The following DIP2C variants were observed in gnomAD, a reference collection of about 807,000 sequenced individuals.
DIP2C encodes DIP2 acetate--CoA ligase C (putative).
DIP2C carries 33 observed loss-of-function variants against 192.4 expected under a neutral mutation model. The observed-to-expected ratio is 0.17, with a 90% CI of 0.13 to 0.23. DIP2C has a LOEUF of 0.23. Ranked by LOEUF, DIP2C falls within the 10% of genes least tolerant of loss-of-function variation. DIP2C has a pLI of 1.00. For synonymous variants in DIP2C, 979 were observed against 864.1 expected (o/e 1.13, Z -2.33); for missense variants, 1,537 against 2,110.1 (o/e 0.73, Z 5.32).
intron 1 of DIP2C, among the ~76,000 whole-genome samples, chr10:565,354 T>TAAAATTAAAAAAAAAA (rs376030794): frequency 8.8e-6 from 1 of 114,112 alleles, no homozygotes; most frequent in Admixed American, 8.7e-5. Flanking sequence ...ACCTGCATTC[T>TAAAATTAAAAAAAAAA]AAAAAAAAAA....
chr10:617,159 T>A (rs1013531871), intron 1 of DIP2C, among the ~76,000 whole-genome samples: 1 of 148,264 alleles, frequency 6.7e-6, no homozygotes, highest in Non-Finnish European at 1.5e-5. Flanking sequence ...CCGCCTGACT[T>A]ATTTCCTGCC....
At chr10:614,233 ACCAT>A (rs1458202560) in intron 1 of DIP2C, among the ~76,000 whole-genome samples, 1 of 152,130 alleles carries the variant, frequency 6.6e-6, no homozygotes, top group African/African-American at 2.4e-5. Context: ...ATCTCAATTC[ACCAT>A]CCACACAGAG....
chr10:421,248 G>A (rs1315678511), intron 5 of DIP2C, among the ~76,000 whole-genome samples: 1 of 152,224 alleles, frequency 6.6e-6, no homozygotes, highest in African/African-American at 2.4e-5. Flanking sequence ...GCCCCTCATA[G>A]TTTGGATACA....
intron 1 of DIP2C, among the ~76,000 whole-genome samples, chr10:620,288 A>G (rs1853773238): frequency 6.6e-6 from 1 of 152,154 alleles, no homozygotes. Context: ...TACAACTATC[A>G]ATGTGTAAAA....
chr10:579,740 G>A (rs1850466976), intron 1 of DIP2C, among the ~76,000 whole-genome samples: 1 of 151,670 alleles, frequency 6.6e-6, no homozygotes, highest in Admixed American at 6.6e-5. Flanking sequence ...AGCATACATA[G>A]GTACACTATA....
chr10:499,664 G>A (rs543382984), intron 1 of DIP2C, among the ~76,000 whole-genome samples: 86 of 152,240 alleles, frequency 5.6e-4, no homozygotes, highest in African/African-American at 1.9e-3. Context: ...TCTCCCAATC[G>A]CGAGGACAGC....
intron 1 of DIP2C, among the ~76,000 whole-genome samples, chr10:543,384 C>T (rs993577685): frequency 6.6e-6 from 1 of 152,350 alleles, no homozygotes; most frequent in South Asian, 2.1e-4. Flanking sequence ...GGAGATCTAA[C>T]TCATCAGATG....
chr10:420,315 C>T (rs1371870335), intron 5 of DIP2C, among the ~76,000 whole-genome samples: 2 of 152,264 alleles, frequency 1.3e-5, no homozygotes, highest in Non-Finnish European at 2.9e-5. Context: ...CGGTGCCGAG[C>T]TGCCTGGACA....
In DIP2C at chr10:548,218, C is replaced by CCCA. The variant is rs1282724092; in HGVS notation, c.86-61689_86-61688insTGG. Among the ~76,000 whole-genome samples the CCCA allele has an allele frequency of 1.7e-3, 217 of 130,506 alleles. 6 individuals are homozygous for CCCA. Among genetic ancestry groups the CCCA allele is most frequent in the Non-Finnish European group, 2.6e-3 (150 of 57,878 alleles). The allele number at this position is 130,506 out of a possible 152,430, so 85.6% of individuals were successfully genotyped here. A position where few individuals can be genotyped will look rare whatever the true frequency, so the allele number is the denominator to read the frequency against. ...ACACGAGTCTGCCCCACCCCCCCCC[C>CCCA]CACAGGAAAGCCCTGGTGGTCAGGG... is the stretch of plus-strand genomic sequence containing the variant. On this transcript the variant is annotated intron_variant, in intron 1 of 36. Coordinates refer to ENST00000280886, the MANE Select transcript of DIP2C (RefSeq NM_014974.3).
intron 1 of DIP2C, among the ~76,000 whole-genome samples, chr10:623,025 T>G (rs1853965690): frequency 6.6e-6 from 1 of 152,214 alleles, no homozygotes; most frequent in Non-Finnish European, 1.5e-5. Flanking sequence ...GCATAAATCA[T>G]CACAGAGGAA....
chr10:570,531 C>T (rs1258967568), intron 1 of DIP2C, among the ~76,000 whole-genome samples: 1 of 152,176 alleles, frequency 6.6e-6, no homozygotes, highest in Non-Finnish European at 1.5e-5. Flanking sequence ...GGCCTGCGCT[C>T]TTCCATCCAG....
intron 1 of DIP2C, among the ~76,000 whole-genome samples, chr10:570,447 A>G (rs530270905): frequency 6.6e-6 from 1 of 152,250 alleles, no homozygotes; most frequent in East Asian, 1.9e-4. Context: ...CTGGGTCTGC[A>G]TGAATTGCTA....
At chr10:572,313 T>G (rs1849873357) in intron 1 of DIP2C, among the ~76,000 whole-genome samples, 1 of 152,246 alleles carries the variant, frequency 6.6e-6, no homozygotes, top group Admixed American at 6.5e-5. Flanking sequence ...TCCACAGCGT[T>G]TCACACTCTG....
At chr10:495,374 T>C (rs752339546) in intron 1 of DIP2C, among the ~76,000 whole-genome samples, 1 of 152,182 alleles carries the variant, frequency 6.6e-6, no homozygotes, top group Non-Finnish European at 1.5e-5. Flanking sequence ...TGCCTGAAAC[T>C]GGGTAAGAGA....
chr10:437,026 C>A (rs1411057728), intron 4 of DIP2C, among the ~76,000 whole-genome samples: 1 of 134,290 alleles, frequency 7.4e-6, no homozygotes, highest in Non-Finnish European at 1.6e-5. Context: ...TGAGCTCTCT[C>A]CGAGCTCCGC....
intron 1 of DIP2C, among the ~76,000 whole-genome samples, chr10:542,775 A>G (rs1031228592): frequency 2.7e-5 from 4 of 149,746 alleles, no homozygotes; most frequent in Non-Finnish European, 4.4e-5. Context: ...GTCCCTCTCT[A>G]TACCACAGGT....
At chr10:421,887 A>G (rs764409908) in intron 5 of DIP2C, among the ~76,000 whole-genome samples, 1 of 152,218 alleles carries the variant, frequency 6.6e-6, no homozygotes, top group South Asian at 2.1e-4. Context: ...CGACGCTTTA[A>G]GTCTCAGTGA....
chr10:464,784 T>C (rs569410427), intron 3 of DIP2C, among the ~76,000 whole-genome samples: 1 of 152,226 alleles, frequency 6.6e-6, no homozygotes, highest in South Asian at 2.1e-4. Context: ...CTAGAAAATC[T>C]AGAAGAAATG....
intron 1 of DIP2C, among the ~76,000 whole-genome samples, chr10:534,294 G>A (rs956073520): frequency 9.2e-5 from 14 of 152,192 alleles, no homozygotes; most frequent in African/African-American, 3.1e-4. Context: ...GGGAAAAGGC[G>A]CCTTCCCACT....
Sources: allele counts gnomAD v4.1 joint callset (sites outside exome capture counted in the v4.1 genomes callset), GRCh38; gene constraint gnomAD v4.1.1; transcripts MANE v1.5; gene names NCBI Gene and HGNC (gene_info 2026-07-23, HGNC 2026-07-21).